PTPRT: variants seen among roughly 807,000 people sequenced by gnomAD.
PTPRT encodes protein tyrosine phosphatase receptor type T, also known as receptor-type tyrosine-protein phosphatase T.
PTPRT carries 56 observed loss-of-function variants against 176.8 expected under a neutral mutation model. That is an observed-to-expected ratio of 0.32 (90% CI 0.26 to 0.40). The LOEUF (loss-of-function observed/expected upper bound fraction) is 0.40, where lower values mean the gene tolerates loss of function less well. PTPRT is among the 10% of genes least tolerant of loss of function. The pLI, the probability that PTPRT is intolerant of heterozygous loss-of-function variation, is 1.00. For missense variants in PTPRT, 1,540 were observed against 1,908.2 expected (o/e 0.81, Z 3.60); for synonymous variants, 783 against 739.0 (o/e 1.06, Z -0.96).
At chr20:42,544,439 C>A (rs1414450771) in intron 7 of PTPRT, among the ~76,000 whole-genome samples, 1 of 152,200 alleles carries the variant, frequency 6.6e-6, no homozygotes, top group South Asian at 2.1e-4. Flanking sequence ...AGAGTTAGGA[C>A]CTTGCTTTGG....
chr20:43,010,840 ATTCCTTTC>A (rs1254474386), intron 1 of PTPRT, among the ~76,000 whole-genome samples: 1 of 152,126 alleles, frequency 6.6e-6, no homozygotes, highest in African/African-American at 2.4e-5. Context: ...CCCTCATAAA[ATTCCTTTC>A]TTCCTAAGAG....
chr20:42,761,952 G>A (rs193301911), intron 5 of PTPRT, among the ~76,000 whole-genome samples: 10 of 152,318 alleles, frequency 6.6e-5, no homozygotes, highest in African/African-American at 2.4e-4. Context: ...TGTGAAAGGA[G>A]GGTAGAGAGT....
chr20:42,980,599 G>A (rs1983219384), intron 1 of PTPRT, among the ~76,000 whole-genome samples: 1 of 152,204 alleles, frequency 6.6e-6, no homozygotes, highest in Non-Finnish European at 1.5e-5. Context: ...CCCTACTGCA[G>A]CCTGTATTGT....
intron 9 of PTPRT, among the ~76,000 whole-genome samples, chr20:42,398,519 G>A (rs928915601): frequency 2.6e-5 from 4 of 152,114 alleles, no homozygotes; most frequent in Admixed American, 6.6e-5. Context: ...ATGTGAAAAT[G>A]ATGAGTGTAT....
At chr20:42,617,302 G>A (rs1459003073) in intron 7 of PTPRT, among the ~76,000 whole-genome samples, 2 of 136,824 alleles carry the variant, frequency 1.5e-5, no homozygotes, top group Admixed American at 1.4e-4. Flanking sequence ...CTTGATCATG[G>A]TGGATAAGCT....
intron 7 of PTPRT, among the ~76,000 whole-genome samples, chr20:42,515,587 G>A (rs933773043): frequency 2.6e-5 from 4 of 151,960 alleles, no homozygotes; most frequent in Non-Finnish European, 5.9e-5. Context: ...TTGCAGCTGG[G>A]GTACAGAAAT....
chr20:43,187,405 A>G (rs1484855608), intron 1 of PTPRT, among the ~76,000 whole-genome samples: 1 of 152,208 alleles, frequency 6.6e-6, no homozygotes, highest in Admixed American at 6.5e-5. Flanking sequence ...AAATAAGATA[A>G]GTCCATTTTT....
At position 43,180,683 on chromosome 20, in the gene PTPRT, G is replaced by A. The variant is rs188314165; in HGVS notation, c.88+8963C>T. 4.1e-3 allele frequency among the ~76,000 whole-genome samples: 622 copies of A among 152,104 alleles called. 5 individuals are homozygous for A. The highest frequency in any genetic ancestry group is 0.014 in the African/African-American group (589 of 41,476). On this transcript the variant is annotated intron_variant, in intron 1 of 30. Transcript: ENST00000373187. ...TCACCATGTTGGCCAGGTTGGTCTC[G>A]AACTACTAACCTCAGGTGATCCGCC...
intron 6 of PTPRT, among the ~76,000 whole-genome samples, chr20:42,707,168 T>A (rs1022170427): frequency 6.6e-6 from 1 of 152,178 alleles, no homozygotes; most frequent in African/African-American, 2.4e-5. Context: ...TGTGTGTTGT[T>A]TTTTTGTTTG....
At chr20:42,374,864 G>A (rs1321100856) in intron 9 of PTPRT, among the ~76,000 whole-genome samples, 1 of 152,164 alleles carries the variant, frequency 6.6e-6, no homozygotes, top group African/African-American at 2.4e-5. Context: ...CTTACAAGAA[G>A]TTAGTAACAA....
intron 9 of PTPRT, among the ~76,000 whole-genome samples, chr20:42,368,057 G>A (rs2058539325): frequency 2.0e-5 from 3 of 152,138 alleles, no homozygotes; most frequent in African/African-American, 7.2e-5. Context: ...AGTTGGTGCA[G>A]GAGTCCCACC....
intron 7 of PTPRT, among the ~76,000 whole-genome samples, chr20:42,558,639 G>A (rs535428325): frequency 2.0e-5 from 3 of 151,896 alleles, no homozygotes; most frequent in Non-Finnish European, 2.9e-5. Context: ...GGACTCACAC[G>A]GCACAGAGGG....
At chr20:42,191,301 C>G (rs1378470718) in intron 16 of PTPRT, among the ~76,000 whole-genome samples, 1 of 152,186 alleles carries the variant, frequency 6.6e-6, no homozygotes, top group Non-Finnish European at 1.5e-5. Flanking sequence ...CTGACTGAGG[C>G]AGCCCTAGCT....
chr20:42,635,692 A>G (rs1026458528), intron 7 of PTPRT, among the ~76,000 whole-genome samples: 1 of 152,144 alleles, frequency 6.6e-6, no homozygotes, highest in Admixed American at 6.5e-5. Flanking sequence ...TTACACATAC[A>G]GTTTGTGGCA....
chr20:42,446,942 T>C (rs1343042562), intron 9 of PTPRT, among the ~76,000 whole-genome samples: 1 of 152,138 alleles, frequency 6.6e-6, no homozygotes, highest in African/African-American at 2.4e-5. Context: ...TCCTGAGGAA[T>C]GCTAGTTTTA....
chr20:42,228,854 C>T (rs1185563928), intron 15 of PTPRT, among the ~76,000 whole-genome samples: 1 of 152,144 alleles, frequency 6.6e-6, no homozygotes, highest in East Asian at 1.9e-4. Flanking sequence ...TGGAGACTGA[C>T]ATGCAAAGAT....
chr20:43,111,571 A>G (rs573393535), intron 1 of PTPRT, among the ~76,000 whole-genome samples: 111 of 142,528 alleles, frequency 7.8e-4, no homozygotes, highest in Non-Finnish European at 1.5e-3. Flanking sequence ...AAAAAAAAAG[A>G]ATGGTTACAT....
intron 6 of PTPRT, among the ~76,000 whole-genome samples, chr20:42,693,870 C>T (rs2075828270): frequency 6.6e-6 from 1 of 152,082 alleles, no homozygotes; most frequent in Admixed American, 6.5e-5. Flanking sequence ...AACCACCTCC[C>T]TCCCCACTTC....
At chr20:43,061,598 G>A (rs570642108) in intron 1 of PTPRT, among the ~76,000 whole-genome samples, 1 of 152,190 alleles carries the variant, frequency 6.6e-6, no homozygotes, top group Non-Finnish European at 1.5e-5. Flanking sequence ...CATGCCTGTG[G>A]TTTGGTGCAT....
Sources: allele counts gnomAD v4.1 joint callset (sites outside exome capture counted in the v4.1 genomes callset), GRCh38; gene constraint gnomAD v4.1.1; transcripts MANE v1.5; gene names NCBI Gene and HGNC (gene_info 2026-07-23, HGNC 2026-07-21).